The following RHOBTB3 variants were observed in gnomAD, a reference collection of about 807,000 sequenced individuals.
The protein encoded by RHOBTB3 is rho-related BTB domain-containing protein 3.
In RHOBTB3, 47 loss-of-function variants were observed where a neutral mutation model predicts 67.2. The ratio of observed to expected loss-of-function variants is 0.70; its 90% CI spans 0.55 to 0.89. RHOBTB3 has a LOEUF of 0.89. RHOBTB3 is among the 40% of genes least tolerant of loss of function. The probability of loss-of-function intolerance (pLI) is 0.00; values close to 1 mark genes in which losing one functional copy is unlikely to be tolerated. For synonymous variants in RHOBTB3, 273 were observed against 274.2 expected, an observed-to-expected ratio of 1.00 and a Z score of 0.04; for missense variants, 631 against 750.0, an observed-to-expected ratio of 0.84 and a Z score of 1.85.
In RHOBTB3 at chr5:95,763,479, A is replaced by G. The variant is rs763279619; in HGVS notation, c.1049-29A>G. 12 of 1,313,296 alleles carry G rather than the reference A, an allele frequency of 9.1e-6. No individual in the cohort carries two copies. The East Asian group carries it at 2.5e-4, about 28-fold the overall frequency. 81.4% of individuals were successfully genotyped at this position (1,313,296 alleles called of 1,614,324 possible). A position where few individuals can be genotyped will look rare whatever the true frequency, so the allele number is the denominator to read the frequency against. On this transcript the variant is annotated intron_variant, in intron 6 of 11. Transcript: ENST00000379982. ...TTTGTTACTTCCTCATTTAACAGAA[A>G]AATCCAGCATGTACTAATTTGTTTA... is the stretch of plus-strand genomic sequence containing the variant.
At position 95,793,892 on chromosome 5, in the gene RHOBTB3, A is replaced by G. The variant is rs1746494180; in HGVS notation, c.*718A>G. The G allele has an allele frequency of 2.4e-6, 1 of 424,848 alleles. No individual in the cohort carries two copies. The allele number at this position is 424,848 out of a possible 1,614,324, so 26.3% of individuals were successfully genotyped here. On this transcript the variant is annotated 3_prime_UTR_variant, in exon 12 of 12. Transcript: ENST00000379982. The stretch of plus-strand genomic sequence containing the variant: ...GGTTCAAGGCTCTGCTATAGCGGAA[A>G]TTCTTAATAATGTTTGAAGAAGGGC...
At chr5:95,729,381 G>GA (rs1755153224), upstream of RHOBTB3, among the ~76,000 whole-genome samples, 1 of 151,970 alleles carries the variant, frequency 6.6e-6, no homozygotes, top group Non-Finnish European at 1.5e-5. Context: ...AGTAACTAAG[G>GA]AAAAAATGAA....
intron 8 of RHOBTB3, among the ~76,000 whole-genome samples, chr5:95,775,406 G>GTA (rs70978192): frequency 0.077 from 11,101 of 144,144 alleles, 496 homozygotes; most frequent in Middle Eastern, 0.17. Flanking sequence ...ATATATATGT[G>GTA]TATATATATA....
In RHOBTB3 at chr5:95,793,954, TG is replaced by T. The variant is rs547152758; in HGVS notation, c.*781del. 1.2e-3 allele frequency: 547 copies of T among 453,964 alleles called. 2 individuals are homozygous for T. The highest frequency in any genetic ancestry group is 1.3e-3 in the Non-Finnish European group (301 of 226,278). The allele number at this position is 453,964 out of a possible 1,614,324, so 28.1% of individuals were successfully genotyped here. A position where few individuals can be genotyped will look rare whatever the true frequency, so the allele number is the denominator to read the frequency against. On this transcript the variant is annotated 3_prime_UTR_variant, in exon 12 of 12. Transcript: ENST00000379982. ...ATTTTGTGCTGAGCCCTCAAAATTA[TG>T]TCTGTTTCGTGGTGGGAAATATCCT... is the stretch of plus-strand genomic sequence containing the variant.
chr5:95,773,001 G>A (rs184761490), intron 8 of RHOBTB3, among the ~76,000 whole-genome samples: 2 of 152,242 alleles, frequency 1.3e-5, no homozygotes, highest in East Asian at 3.9e-4. Flanking sequence ...TTTCTCTTTT[G>A]CTGTGTTATA....
intron 7 of RHOBTB3, among the ~76,000 whole-genome samples, chr5:95,766,469 T>C (rs565118958): frequency 6.6e-6 from 1 of 152,162 alleles, no homozygotes; most frequent in African/African-American, 2.4e-5. Flanking sequence ...ACATAGACTT[T>C]AGGCAAGATT....
At position 95,767,758 on chromosome 5, in the gene RHOBTB3, ACT is replaced by A; in HGVS notation, c.1162-286_1162-285del. The A allele has an allele frequency of 7.2e-6, 5 of 691,140 alleles. No homozygotes were observed. In the South Asian group the frequency reaches 7.4e-5, roughly 10 times the overall value. 42.8% of individuals were successfully genotyped at this position (691,140 alleles called of 1,614,324 possible). On this transcript the variant is annotated intron_variant, in intron 7 of 11. Coordinates refer to ENST00000379982, the MANE Select transcript of RHOBTB3 (RefSeq NM_014899.4). ...TACTGTTGTCTGTTTCTCAACAAAG[ACT>A]CATAGGGTTTCAGGACCTTGCAGCT...
intron 10 of RHOBTB3, among the ~76,000 whole-genome samples, chr5:95,786,831 G>A (rs927140260): frequency 5.3e-5 from 8 of 151,936 alleles, no homozygotes; most frequent in South Asian, 2.1e-4. Flanking sequence ...ATTTTCTTAC[G>A]TCAACACATA....
At position 95,775,086 on chromosome 5, in the gene RHOBTB3, T is replaced by C. The variant is rs190611443; in HGVS notation, c.1283-5166T>C. Among the ~76,000 whole-genome samples, 314 of 152,256 alleles carry C rather than the reference T, an allele frequency of 2.1e-3. 1 individual carries two copies. Among genetic ancestry groups the C allele is most frequent in the African/African-American group, 7.5e-3 (310 of 41,554 alleles). Reference sequence around the variant, plus strand: ...GAGAGTGCTTAAAACACCTGGTTAGTGCACCTAGAAAAATTAGATTGATTT... The same window carrying C: ...GAGAGTGCTTAAAACACCTGGTTAGCGCACCTAGAAAAATTAGATTGATTT... On this transcript the variant is annotated intron_variant, in intron 8 of 11. Coordinates refer to ENST00000379982, the MANE Select transcript of RHOBTB3 (RefSeq NM_014899.4).
At position 95,737,087 on chromosome 5, in the gene RHOBTB3, A is replaced by G; in HGVS notation, c.415+12A>G. On this transcript the variant is annotated intron_variant, in intron 3 of 11. Transcript: ENST00000379982. ...TACCAGACAAAATGGTAAGTATTTA[A>G]TATTCTTTTTTGTAGTGAGCATGCA... 6.6e-7 allele frequency: 1 copy of G among 1,505,396 alleles called. No homozygotes were observed. Among genetic ancestry groups the G allele is most frequent in the Non-Finnish European group, 9.2e-7 (1 of 1,091,610 alleles). The allele number at this position is 1,505,396 out of a possible 1,614,324, so 93.3% of individuals were successfully genotyped here.
upstream of RHOBTB3, among the ~76,000 whole-genome samples, chr5:95,728,209 A>G (rs1166601570): frequency 1.3e-5 from 2 of 152,202 alleles, no homozygotes; most frequent in South Asian, 2.1e-4. Context: ...TAGCTTAAGT[A>G]TCACCAGGTA....
intron 8 of RHOBTB3, chr5:95,769,886 A>T (rs1745657779): frequency 1.5e-5 from 5 of 333,388 alleles, no homozygotes; most frequent in South Asian, 1.4e-4. Context: ...AAGCTCTATG[A>T]ACCTTCCTTT....
chr5:95,795,772 C>T lies in RHOBTB3; in HGVS notation c.*2598C>T, dbSNP rs1222407026. 1.3e-5 allele frequency: 2 copies of T among 152,222 alleles called. No homozygotes were observed. The highest frequency in any genetic ancestry group is 2.9e-5 in the Non-Finnish European group (2 of 68,036). The allele number at this position is 152,222 out of a possible 1,614,324, so 9.4% of individuals were successfully genotyped here. On this transcript the variant is annotated 3_prime_UTR_variant, in exon 12 of 12. Transcript: ENST00000379982. ...TAATATAACAAGAAATCGTAAAATA[C>T]TTATAACCTATCTTAGAGAAATGAG...
At chr5:95,742,652 T>A (rs1044807375) in intron 3 of RHOBTB3, among the ~76,000 whole-genome samples, 14 of 152,242 alleles carry the variant, frequency 9.2e-5, no homozygotes, top group Non-Finnish European at 4.4e-5. Context: ...CACACATTAG[T>A]TCTGCTGGGT....
At chr5:95,776,499 A>G (rs1024026304) in intron 8 of RHOBTB3, among the ~76,000 whole-genome samples, 4 of 152,220 alleles carry the variant, frequency 2.6e-5, no homozygotes, top group South Asian at 2.1e-4. Flanking sequence ...CAATAATAAT[A>G]AATTTGAAGT....
intron 9 of RHOBTB3, among the ~76,000 whole-genome samples, chr5:95,780,701 C>A (rs2112830084): frequency 6.6e-6 from 1 of 152,266 alleles, no homozygotes; most frequent in South Asian, 2.1e-4. Flanking sequence ...CTGTAGGCAA[C>A]TAGAAATGGA....
chr5:95,747,821 A>T (rs185277828), intron 3 of RHOBTB3, among the ~76,000 whole-genome samples: 292 of 152,372 alleles, frequency 1.9e-3, no homozygotes, highest in African/African-American at 6.7e-3. Flanking sequence ...TATGAAGTTT[A>T]CAAAGAGAGT....
rs551067504 is a variant in RHOBTB3 at position 95,792,259 on chromosome 5, C to T, written c.1721-800C>T. Among the ~76,000 whole-genome samples the T allele has an allele frequency of 6.6e-5, 10 of 152,046 alleles. No homozygotes were observed. In the South Asian group the frequency reaches 1.9e-3, roughly 28 times the overall value. ...AAACTTATCCGGGCGTGGTGACAGG[C>T]GCCTGTAGTCCCAGCTACTCGGGAG... On this transcript the variant is annotated intron_variant, in intron 11 of 11. Transcript: ENST00000379982.
intron 3 of RHOBTB3, among the ~76,000 whole-genome samples, chr5:95,744,291 T>G (rs957231233): frequency 9.9e-5 from 15 of 152,226 alleles, no homozygotes; most frequent in African/African-American, 3.1e-4. Flanking sequence ...TTCACACTTA[T>G]CTTTTAAATC....
Sources: allele counts gnomAD v4.1 joint callset (sites outside exome capture counted in the v4.1 genomes callset), GRCh38; gene constraint gnomAD v4.1.1; transcripts MANE v1.5; gene names NCBI Gene and HGNC (gene_info 2026-07-23, HGNC 2026-07-21).